Variants in IL18RAP observed in about 807,000 individuals in gnomAD.
The protein encoded by IL18RAP is interleukin-18 receptor accessory protein.
IL18RAP carries 37 observed loss-of-function variants against 58.1 expected under a neutral mutation model. That is an observed-to-expected ratio of 0.64 (90% CI 0.49 to 0.84). The LOEUF is 0.84. Among genes scored for constraint, IL18RAP ranks in the 40% least tolerant of loss-of-function variants. The pLI is 0.00. For synonymous variants in IL18RAP, 268 were observed against 257.5 expected (o/e 1.04, Z -0.39); for missense variants, 667 against 704.8 (o/e 0.95, Z 0.61).
intron 3 of IL18RAP, among the ~76,000 whole-genome samples, chr2:102,428,470 T>C (rs1406005352): frequency 6.6e-6 from 1 of 151,794 alleles, no homozygotes; most frequent in East Asian, 1.9e-4. Flanking sequence ...GTTCCTATGG[T>C]AAGTGGGCTT....
At chr2:102,420,537 G>A (rs1478888166), upstream of IL18RAP, among the ~76,000 whole-genome samples, 2 of 152,176 alleles carry the variant, frequency 1.3e-5, no homozygotes, top group Non-Finnish European at 2.9e-5. Flanking sequence ...CTCAAGGTTG[G>A]CGGACATTCC....
intron 3 of IL18RAP, among the ~76,000 whole-genome samples, chr2:102,436,201 G>T (rs557153189): frequency 2.6e-5 from 4 of 151,874 alleles, no homozygotes; most frequent in African/African-American, 9.7e-5. Context: ...CTCCCCCTTG[G>T]CTTAGGTGAG....
At position 102,451,823 on chromosome 2, in the gene IL18RAP, T is replaced by G. The variant is rs1190077049; in HGVS notation, c.1442T>G (p.Leu481Trp). Residue 481 changes from leucine to tryptophan, a missense_variant, in exon 10 of 10, where the codon TTG becomes TGG. Transcript: ENST00000687160. ...IKRSRRGIFI[L>W]SPNYVNGPSI... ...AGAAGCAGAAGAGGAATATTTATCTTGAGCCCCAACTATGTCAATGGACCC... is the reference window on the plus strand; with the variant it reads ...AGAAGCAGAAGAGGAATATTTATCTGGAGCCCCAACTATGTCAATGGACCC... The G allele has an allele frequency of 6.2e-7, 1 of 1,614,110 alleles. No homozygotes were observed. Among genetic ancestry groups the G allele is most frequent in the Non-Finnish European group, 8.5e-7 (1 of 1,179,950 alleles).
At chr2:102,426,170 C>G (rs773643636) in intron 3 of IL18RAP, among the ~76,000 whole-genome samples, 1 of 152,078 alleles carries the variant, frequency 6.6e-6, no homozygotes, top group Non-Finnish European at 1.5e-5. Context: ...ACACCTAATG[C>G]CTTTTTCCTT....
At chr2:102,441,473 C>A in intron 5 of IL18RAP, 96 bp downstream of exon 5, 1 of 948,262 alleles carries the variant, frequency 1.1e-6, no homozygotes, top group Non-Finnish European at 1.7e-6. Flanking sequence ...TCCAGTCAAA[C>A]AGAATTGGGT....
In IL18RAP at chr2:102,423,948, C is replaced by T; in HGVS notation, c.208C>T (p.His70Tyr). The T allele has an allele frequency of 6.2e-7, 1 of 1,614,086 alleles. No homozygotes were observed. Among genetic ancestry groups the T allele is most frequent in the South Asian group, 1.1e-5 (1 of 91,086 alleles). ...ACTCTCACCAAAACAAGTCCCTGAG[C>T]ACCTGCCCTTCATGGGTAGTAACGA... ...NRLSPKQVPE[H>Y]LPFMGSNDLS... Residue 70 changes from histidine to tyrosine, a missense_variant, in exon 2 of 10, where the codon CAC (histidine) becomes TAC (tyrosine). His to Tyr is a moderately conservative substitution (Grantham distance 83). Coordinates refer to ENST00000687160, the MANE Select transcript of IL18RAP (RefSeq NM_001393487.1).
chr2:102,418,854 C>T (rs1040972509), upstream of IL18RAP: 4 of 152,240 alleles, frequency 2.6e-5, no homozygotes, highest in Non-Finnish European at 5.9e-5. Context: ...CACATATTTT[C>T]GTTCAGATAC....
intron 4 of IL18RAP, chr2:102,439,470 G>A (rs1018652328): frequency 6.6e-6 from 1 of 152,394 alleles, no homozygotes; most frequent in African/African-American, 2.4e-5. Context: ...GAGGGAATGT[G>A]CTGACAGAGC....
Position 102,423,353 on chromosome 2 carries a change from G to A in IL18RAP, c.70+6G>A. The A allele has an allele frequency of 6.2e-7, 1 of 1,612,738 alleles. No homozygotes were observed. The highest frequency in any genetic ancestry group is 1.1e-5 in the South Asian group (1 of 91,060). ...TAAAGGATTTAATATTTCAGGTAGGGGTTTTCACTTTTCATGTTAGCACTG... is the reference window on the plus strand; with the variant it reads ...TAAAGGATTTAATATTTCAGGTAGGAGTTTTCACTTTTCATGTTAGCACTG... On this transcript the variant is annotated splice_donor_region_variant and intron_variant, in intron 1 of 9. Transcript: ENST00000687160.
At chr2:102,425,735 A>G (rs749578840) in intron 3 of IL18RAP, among the ~76,000 whole-genome samples, 25 of 152,150 alleles carry the variant, frequency 1.6e-4, no homozygotes, top group Admixed American at 7.2e-4. Context: ...ATTTCAGATG[A>G]AAATGTGTTT....
chr2:102,423,943 C>T lies in IL18RAP; in HGVS notation c.203C>T (p.Pro68Leu). The part of the protein sequence containing the change: ...HRNRLSPKQV[P>L]EHLPFMGSND... ...AATCGACTCTCACCAAAACAAGTCCCTGAGCACCTGCCCTTCATGGGTAGT... is the reference window on the plus strand; with the variant it reads ...AATCGACTCTCACCAAAACAAGTCCTTGAGCACCTGCCCTTCATGGGTAGT... Residue 68 changes from proline (P) to leucine (L), a missense_variant, in exon 2 of 10, where the codon CCT becomes CTT. Transcript: ENST00000687160. 6.2e-7 allele frequency: 1 copy of T among 1,614,052 alleles called. No individual in the cohort carries two copies. The highest frequency in any genetic ancestry group is 1.6e-4 in the Middle Eastern group (1 of 6,062).
chr2:102,450,561 A>G (rs1683700752), intron 8 of IL18RAP, among the ~76,000 whole-genome samples: 1 of 152,214 alleles, frequency 6.6e-6, no homozygotes. Context: ...AAGAAGGCTC[A>G]GAGAAACTCC....
At chr2:102,447,774 A>C (rs1683521306) in intron 8 of IL18RAP, among the ~76,000 whole-genome samples, 2 of 152,034 alleles carry the variant, frequency 1.3e-5, no homozygotes. Flanking sequence ...TCTGTCTCCC[A>C]GGCTGGAGTG....
chr2:102,429,917 T>C (rs1297293608), intron 3 of IL18RAP, among the ~76,000 whole-genome samples: 1 of 152,052 alleles, frequency 6.6e-6, no homozygotes, highest in Admixed American at 6.5e-5. Flanking sequence ...TATGCCTTTG[T>C]AGCCCAAAAT....
chr2:102,427,446 A>G (rs1003801659), intron 3 of IL18RAP, among the ~76,000 whole-genome samples: 17 of 152,088 alleles, frequency 1.1e-4, no homozygotes, highest in African/African-American at 4.1e-4. Context: ...TGTGGTTTCA[A>G]TTTGTATTTC....
chr2:102,447,979 C>T (rs887659784), intron 8 of IL18RAP, among the ~76,000 whole-genome samples: 2 of 152,174 alleles, frequency 1.3e-5, no homozygotes, highest in African/African-American at 4.8e-5. Flanking sequence ...AGTGATCCGT[C>T]CGCCTCGGCC....
chr2:102,447,269 C>T, intron 8 of IL18RAP, 62 bp downstream of exon 8: 1 of 1,561,096 alleles, frequency 6.4e-7, no homozygotes, highest in Middle Eastern at 1.7e-4. Context: ...TGGAGCAGGA[C>T]AACAGAAAAT....
Position 102,424,960 on chromosome 2 carries a change from A to G in IL18RAP, c.579+546A>G, listed in dbSNP as rs1474616619. 2.0e-5 allele frequency among the ~76,000 whole-genome samples: 3 copies of G among 152,214 alleles called. No homozygotes were observed. The East Asian group carries it at 5.8e-4, about 29-fold the overall frequency. On this transcript the variant is annotated intron_variant, in intron 3 of 9. Coordinates refer to ENST00000687160, the MANE Select transcript of IL18RAP (RefSeq NM_001393487.1). ...GAAAAAGGGAACAAGAGCAAGTTTCACAATGACTTTTAGCTATGAACCACA... is the reference window on the plus strand; with the variant it reads ...GAAAAAGGGAACAAGAGCAAGTTTCGCAATGACTTTTAGCTATGAACCACA...
intron 6 of IL18RAP, among the ~76,000 whole-genome samples, chr2:102,443,826 T>G (rs1161072272): frequency 6.6e-6 from 1 of 152,238 alleles, no homozygotes; most frequent in Non-Finnish European, 1.5e-5. Context: ...GAGGGCTCTC[T>G]GTCTTGAAAT....
Sources: allele counts gnomAD v4.1 joint callset (sites outside exome capture counted in the v4.1 genomes callset), GRCh38; gene constraint gnomAD v4.1.1; transcripts MANE v1.5; gene names NCBI Gene and HGNC (gene_info 2026-07-23, HGNC 2026-07-21).